The following WDR90 variants were observed in gnomAD, a reference collection of about 807,000 sequenced individuals.
The protein encoded by WDR90 is WD repeat domain 90.
Under a neutral mutation model 195.2 loss-of-function variants are expected in WDR90, and 238 were observed. The ratio of observed to expected loss-of-function variants is 1.22; its 90% confidence interval spans 1.10 to 1.36. The LOEUF (loss-of-function observed/expected upper bound fraction) is 1.36, where lower values mean the gene tolerates loss of function less well. Ranked by LOEUF, WDR90 falls within the 40% of genes most tolerant of loss-of-function variation. The pLI is 0.00. For missense variants in WDR90, 2,734 were observed against 2,439.5 expected (o/e 1.12, Z -2.54); for synonymous variants, 1,265 against 1,052.4 (o/e 1.20, Z -3.91).
chr16:652,547 G>A lies in WDR90; in HGVS notation c.1122+12G>A, dbSNP rs2037667866. ...ACGGCACCAGACAGGTGAGGCTCCT[G>A]CGGCTGTGTCCAGAGCAGCTCTCGT... On this transcript the variant is annotated intron_variant, in intron 10 of 40. Transcript: ENST00000293879. 2.5e-6 allele frequency: 4 copies of A among 1,604,196 alleles called. No homozygotes were observed. The highest frequency in any genetic ancestry group is 2.2e-5 in the East Asian group (1 of 44,538).
At position 667,688 on chromosome 16, in the gene WDR90, TG is replaced by T; in HGVS notation, c.*102del. On this transcript the variant is annotated 3_prime_UTR_variant, in exon 41 of 41. Coordinates refer to ENST00000293879, the MANE Select transcript of WDR90 (RefSeq NM_145294.5). ...CGCCAGGTTGTCAATGGCCTCATGC[TG>T]GGACAGGCCAGGATTCACGTAAATC... 6.5e-7 allele frequency: 1 copy of T among 1,544,544 alleles called. No homozygotes were observed. Among genetic ancestry groups the T allele is most frequent in the South Asian group, 1.2e-5 (1 of 86,928 alleles).
intron 10 of WDR90, among the ~76,000 whole-genome samples, chr16:653,081 C>G (rs1343522253): frequency 6.6e-6 from 1 of 152,216 alleles, no homozygotes; most frequent in Non-Finnish European, 1.5e-5. Flanking sequence ...GCTTAGAGGA[C>G]AGGCGTCTGT....
intron 40 of WDR90, 30 bp from the exon 41 acceptor site, chr16:667,402 C>T (rs771054035): frequency 1.5e-5 from 23 of 1,572,046 alleles, no homozygotes; most frequent in Non-Finnish European, 1.9e-5. Flanking sequence ...CTGGTCCTGG[C>T]CCTGGCCCAC....
rs1219862122 is a variant in WDR90 at position 657,873 on chromosome 16, G to C, written c.2585G>C (p.Gly862Ala). ...TCCAGGTGCACAGTGACAGTCATGG[G>C]CTCGGCCTCCCTTGATGAGGTGAGT... is the stretch of plus-strand genomic sequence containing the variant. ...GPSRCTVTVM[G>A]SASLDELLRV... Residue 862 changes from glycine (G) to alanine (A), a missense_variant, in exon 21 of 41, where the codon GGC becomes GCC. By Grantham distance (60) the Gly-to-Ala change is moderately conservative (BLOSUM62 0). Transcript: ENST00000293879. 6.3e-7 allele frequency: 1 copy of C among 1,585,244 alleles called. No homozygotes were observed. Among genetic ancestry groups the C allele is most frequent in the African/African-American group, 1.3e-5 (1 of 74,502 alleles).
rs1596465126 is a variant in WDR90, at chr16:658,972, A to C, written c.2972A>C (p.Asp991Ala). The change falls in exon 24 of 41, where the codon GAC becomes GCC. Residue 991 changes from aspartate to alanine, a missense_variant. Coordinates refer to ENST00000293879, the MANE Select transcript of WDR90 (RefSeq NM_145294.5). ...PDQQQVLSAG[D>A]AVFLWDVLAP... ...CAGCAGCAGGTCCTCAGCGCAGGGG[A>C]CGCCGTCTTCCTCTGGGATGTCCTG... The C allele has an allele frequency of 6.2e-7, 1 of 1,612,780 alleles. No homozygotes were observed. Among genetic ancestry groups the C allele is most frequent in the South Asian group, 1.1e-5 (1 of 91,070 alleles).
At position 650,176 on chromosome 16, in the gene WDR90, C is replaced by A. The variant is rs767942077; in HGVS notation, c.279+9C>A. ...TCGATGTGTCCTCCAAGGTACGGAG[C>A]CCGCGGCTGGGGGCTGCGTGGGAGC... is the stretch of plus-strand genomic sequence containing the variant. On this transcript the variant is annotated intron_variant, in intron 3 of 40. Coordinates refer to ENST00000293879, the MANE Select transcript of WDR90 (RefSeq NM_145294.5). 6.2e-7 allele frequency: 1 copy of A among 1,611,542 alleles called. No individual in the cohort carries two copies. Among genetic ancestry groups the A allele is most frequent in the Non-Finnish European group, 8.5e-7 (1 of 1,178,824 alleles).
chr16:655,564 C>A lies in WDR90; in HGVS notation c.1719-9C>A. The stretch of plus-strand genomic sequence containing the variant: ...AGGGCCTCACCTTCCCTGCCGCCTC[C>A]TCGGGCAGCTTCGTGTGCAGCCGCA... On this transcript the variant is annotated splice_polypyrimidine_tract_variant and intron_variant, in intron 15 of 40. Coordinates refer to ENST00000293879, the MANE Select transcript of WDR90 (RefSeq NM_145294.5). The A allele has an allele frequency of 6.3e-7, 1 of 1,581,208 alleles. No homozygotes were observed. The highest frequency in any genetic ancestry group is 8.6e-7 in the Non-Finnish European group (1 of 1,161,418).
chr16:654,822 A>C (rs1026846603), intron 13 of WDR90: 1 of 591,840 alleles, frequency 1.7e-6, no homozygotes, highest in Non-Finnish European at 3.0e-6. Flanking sequence ...TGCAGTGCTC[A>C]GCATTGCGGG....
At position 650,179 on chromosome 16, in the gene WDR90, G is replaced by C; in HGVS notation, c.279+12G>C. Reference sequence around the variant, plus strand: ...ATGTGTCCTCCAAGGTACGGAGCCCGCGGCTGGGGGCTGCGTGGGAGCCCC... The same window carrying C: ...ATGTGTCCTCCAAGGTACGGAGCCCCCGGCTGGGGGCTGCGTGGGAGCCCC... On this transcript the variant is annotated intron_variant, in intron 3 of 40. Transcript: ENST00000293879. 2 of 1,610,924 alleles carry C rather than the reference G, an allele frequency of 1.2e-6. No homozygotes were observed. Among genetic ancestry groups the C allele is most frequent in the Non-Finnish European group, 8.5e-7 (1 of 1,178,394 alleles).
At chr16:656,240 G>C (rs1471679046) in intron 17 of WDR90, 62 bp from the exon 18 acceptor site, 1 of 1,488,084 alleles carries the variant, frequency 6.7e-7, no homozygotes, top group East Asian at 2.4e-5. Flanking sequence ...GGGACCCGAA[G>C]CCTGAGCATG....
Position 660,172 on chromosome 16 carries a change from G to A in WDR90, c.3288+11G>A. On this transcript the variant is annotated intron_variant, in intron 27 of 40. Coordinates refer to ENST00000293879, the MANE Select transcript of WDR90 (RefSeq NM_145294.5). ...CCCCACTCTGCCAAGGTGGGGAGTG[G>A]TTTCTGGGAGCCCTCTTTATCCCCA... 1 of 1,504,320 alleles carries A rather than the reference G, an allele frequency of 6.6e-7. No homozygotes were observed. Among genetic ancestry groups the A allele is most frequent in the Non-Finnish European group, 8.9e-7 (1 of 1,119,558 alleles). 93.2% of individuals were successfully genotyped at this position (1,504,320 alleles called of 1,614,324 possible).
Position 650,083 on chromosome 16 carries a change from G to C in WDR90, c.195G>C (p.Leu65=). ...TCCCTAAGAGCAGCACCCAGTCTCT[G>C]GGGCTGACGGGACGATACCTGTATG... ...IQLPKSSTQS[L]GLTGRYLYVL... Residue 65 remains leucine, a synonymous_variant, in exon 3 of 41, where the codon CTG becomes CTC. Transcript: ENST00000293879. The C allele has an allele frequency of 1.2e-6, 2 of 1,613,028 alleles. No individual in the cohort carries two copies. Among genetic ancestry groups the C allele is most frequent in the Non-Finnish European group, 8.5e-7 (1 of 1,179,972 alleles).
chr16:656,234 C>A, intron 17 of WDR90, 68 bp from the exon 18 acceptor site: 1 of 1,439,646 alleles, frequency 6.9e-7, no homozygotes, highest in Non-Finnish European at 9.5e-7. Context: ...GTGTCGGGGA[C>A]CCGAAGCCTG....
chr16:666,799 G>A lies in WDR90; in HGVS notation c.5004+7G>A, dbSNP rs757775296. ...CAACCTCTGCCAGAAGCAGGTACAC[G>A]CAGCTGCCCGCGTGTCACTGGGAGC... On this transcript the variant is annotated splice_region_variant and intron_variant, in intron 39 of 40. Coordinates refer to ENST00000293879, the MANE Select transcript of WDR90 (RefSeq NM_145294.5). 1 of 1,612,654 alleles carries A rather than the reference G, an allele frequency of 6.2e-7. No individual in the cohort carries two copies. The highest frequency in any genetic ancestry group is 8.5e-7 in the Non-Finnish European group (1 of 1,179,848).
At chr16:654,180 T>A (rs2037699706) in intron 13 of WDR90, 1 of 285,576 alleles carries the variant, frequency 3.5e-6, no homozygotes, top group Admixed American at 4.9e-5. Context: ...GGCATCTTGG[T>A]GGGGGCACCT....
rs745788083 is a variant in WDR90 at position 656,512 on chromosome 16, T to C, written c.2177T>C (p.Ile726Thr). The C allele has an allele frequency of 1.3e-6, 2 of 1,574,028 alleles. No homozygotes were observed. Among genetic ancestry groups the C allele is most frequent in the Admixed American group, 3.6e-5 (2 of 55,686 alleles). Residue 726 changes from isoleucine (I) to threonine (T), a missense_variant, in exon 18 of 41, where the codon ATC becomes ACC. Physicochemically the swap from Ile to Thr is moderately conservative, Grantham distance 89. Transcript: ENST00000293879. ...GTGTCCCAGGACCGTACCGTCCGCA[T>C]CTGGGACCTGGCCACCCTGCAGCAG... is the stretch of plus-strand genomic sequence containing the variant. ...ATVSQDRTVRIWDLATLQQLY... is the reference protein window; with the variant it reads ...ATVSQDRTVRTWDLATLQQLY...
At position 660,142 on chromosome 16, in the gene WDR90, G is replaced by T. The variant is rs1191636677; in HGVS notation, c.3269G>T (p.Cys1090Phe). Residue 1090 changes from cysteine (C) to phenylalanine (F), a missense_variant, in exon 27 of 41, where the codon TGC becomes TTC. Physicochemically the swap from Cys to Phe is radical, Grantham distance 205 (BLOSUM62 -2). Transcript: ENST00000293879. ...GCCTTCACGCCTGCCAGGGTCAGCT[G>T]CAGCCCCCACTCTGCCAAGGTGGGG... ...CKAFTPARVS[C>F]SPHSAKGTCP... is the part of the protein sequence containing the mutation. The T allele has an allele frequency of 2.6e-6, 4 of 1,536,238 alleles. No individual in the cohort carries two copies. The highest frequency in any genetic ancestry group is 2.6e-6 in the Non-Finnish European group (3 of 1,137,558).
rs2037921367 is a variant in WDR90 at position 661,767 on chromosome 16, G to A, written c.3844G>A (p.Gly1282Arg). The A allele has an allele frequency of 3.7e-6, 6 of 1,605,188 alleles. No individual in the cohort carries two copies. In the East Asian group the frequency reaches 1.3e-4, roughly 36 times the overall value. ...CACCTTCTGGCTCCTTCAGCAGCGT[G>A]GGGCAGACATCAGCCTTCAGGTGCC... ...TVTFWLLQQR[G>R]ADISLQVRRE... The change falls in exon 31 of 41, where the codon GGG becomes AGG. Residue 1282 changes from glycine to arginine, a missense_variant. By Grantham distance (125) the Gly-to-Arg change is moderately radical. Coordinates refer to ENST00000293879, the MANE Select transcript of WDR90 (RefSeq NM_145294.5).
At position 665,946 on chromosome 16, in the gene WDR90, C is replaced by T. The variant is rs1596471396; in HGVS notation, c.4435-4C>T. 1.9e-6 allele frequency: 3 copies of T among 1,581,248 alleles called. No homozygotes were observed. Among genetic ancestry groups the T allele is most frequent in the East Asian group, 4.5e-5 (2 of 44,506 alleles). On this transcript the variant is annotated splice_polypyrimidine_tract_variant and splice_region_variant and intron_variant, in intron 35 of 40. Coordinates refer to ENST00000293879, the MANE Select transcript of WDR90 (RefSeq NM_145294.5). ...GCTGAAGTTTCCCCACTGTGGGTCC[C>T]CAGAGCTGCCTCTGCCTGGCATGGA... is the stretch of plus-strand genomic sequence containing the variant.
Sources: gnomAD v4.1 joint callset for allele counts (sites outside exome capture counted in the v4.1 genomes callset) on GRCh38, gnomAD v4.1.1 for gene constraint, MANE v1.5 for transcripts, NCBI Gene and HGNC (gene_info 2026-07-23, HGNC 2026-07-21) for gene names.